Variants in PRPF18 observed in about 807,000 individuals in gnomAD.
The protein encoded by PRPF18 is pre-mRNA processing factor 18.
Under a neutral mutation model 46.5 loss-of-function variants are expected in PRPF18, and 38 were observed. The ratio of observed to expected loss-of-function variants is 0.82; its 90% CI spans 0.63 to 1.07. The LOEUF is 1.07. Ranked by LOEUF, PRPF18 falls within the 50% of genes least tolerant of loss-of-function variation. The pLI, the probability that PRPF18 is intolerant of heterozygous loss-of-function variation, is 0.00. For missense variants in PRPF18, 263 were observed against 410.0 expected (o/e 0.64, Z 3.10); for synonymous variants, 152 against 146.7 (o/e 1.04, Z -0.26).
chr10:13,648,919 A>AG, the PRPF18 span: 5 of 152,054 alleles, frequency 3.3e-5, no homozygotes, highest in Non-Finnish European at 7.4e-5. Flanking sequence ...AGTTGCTCTG[A>AG]GGGGAAAAAA....
intron 9 of PRPF18, 60 bp downstream of exon 9, chr10:13,616,613 C>T (rs758536227): frequency 2.6e-5 from 41 of 1,580,512 alleles, no homozygotes; most frequent in Non-Finnish European, 3.3e-5. Flanking sequence ...ATTCCCAAAA[C>T]TCTAAGTCTG....
intron 9 of PRPF18, among the ~76,000 whole-genome samples, chr10:13,622,862 G>T (rs1258830597): frequency 6.6e-6 from 1 of 152,148 alleles, no homozygotes; most frequent in Non-Finnish European, 1.5e-5. Flanking sequence ...TCTAGAATGG[G>T]TTGTTTCGAT....
intron 1 of PRPF18, among the ~76,000 whole-genome samples, chr10:13,595,528 T>C (rs1448362212): frequency 6.6e-6 from 1 of 152,232 alleles, no homozygotes; most frequent in Non-Finnish European, 1.5e-5. Context: ...TGAAGAACTG[T>C]AGCTTGGAAG....
the PRPF18 span, among the ~76,000 whole-genome samples, chr10:13,636,529 T>C: frequency 1.3e-5 from 2 of 152,206 alleles, no homozygotes; most frequent in Non-Finnish European, 2.9e-5. Flanking sequence ...GGCTTGGCCC[T>C]TTGAAAATTA....
intron 4 of PRPF18, 84 bp from the exon 5 acceptor site, chr10:13,609,955 C>T: frequency 1.5e-6 from 2 of 1,374,286 alleles, no homozygotes; most frequent in Non-Finnish European, 2.0e-6. Flanking sequence ...AAAATATTTG[C>T]AGTTATTAAT....
chr10:13,630,182 G>A (rs2080575792), intron 9 of PRPF18, 78 bp from the exon 10 acceptor site: 3 of 1,194,372 alleles, frequency 2.5e-6, no homozygotes, highest in African/African-American at 3.0e-5. Context: ...TTGACAAACT[G>A]ATAACGAGTT....
At chr10:13,647,011 C>T in the PRPF18 span, 51,257 of 975,532 alleles carry the variant, frequency 0.053, 1,500 homozygotes, top group Non-Finnish European at 0.058. Flanking sequence ...GGGAGGAATC[C>T]AGGAAACAGC....
chr10:13,597,838 G>A (rs1170365354), intron 2 of PRPF18, among the ~76,000 whole-genome samples: 4 of 150,928 alleles, frequency 2.7e-5, no homozygotes, highest in Non-Finnish European at 4.4e-5. Context: ...CTGAGACTGC[G>A]TTATTTTCAG....
the PRPF18 span, chr10:13,639,760 C>G: frequency 1.3e-5 from 2 of 152,170 alleles, no homozygotes; most frequent in East Asian, 3.9e-4. Context: ...CATCTTCATA[C>G]TCTGCTTTGT....
At chr10:13,619,441 C>T (rs1183766424) in intron 9 of PRPF18, among the ~76,000 whole-genome samples, 2 of 152,220 alleles carry the variant, frequency 1.3e-5, no homozygotes, top group East Asian at 1.9e-4. Flanking sequence ...GAGGAAGACA[C>T]CCACCTCTTG....
intron 1 of PRPF18, chr10:13,591,531 G>C (rs1262260194): frequency 1.1e-5 from 8 of 722,622 alleles, no homozygotes; most frequent in Non-Finnish European, 1.8e-5. Context: ...TGGAGCTTAG[G>C]AATAGCTTTG....
the PRPF18 span, among the ~76,000 whole-genome samples, chr10:13,653,603 T>TC: frequency 6.6e-6 from 1 of 152,160 alleles, no homozygotes; most frequent in Admixed American, 6.5e-5. Context: ...TTCCCAGACA[T>TC]CCCCCTGATG....
At chr10:13,589,673 A>G (rs904327394) in intron 1 of PRPF18, among the ~76,000 whole-genome samples, 2 of 152,234 alleles carry the variant, frequency 1.3e-5, no homozygotes, top group Admixed American at 6.5e-5. Context: ...CAGAGGGTCT[A>G]CAGGACCCAT....
intron 1 of PRPF18, among the ~76,000 whole-genome samples, chr10:13,590,823 G>A (rs959951081): frequency 9.9e-5 from 15 of 152,262 alleles, no homozygotes; most frequent in Admixed American, 9.2e-4. Flanking sequence ...ACCCTGGTCT[G>A]TTCCTACTTC....
chr10:13,634,218 A>G (rs1375329131), downstream of PRPF18, among the ~76,000 whole-genome samples: 1 of 152,216 alleles, frequency 6.6e-6, no homozygotes, highest in African/African-American at 2.4e-5. Context: ...TAAACTTTAT[A>G]CAACTTGCTT....
the PRPF18 span, chr10:13,648,213 AC>A: frequency 3.3e-5 from 5 of 152,238 alleles, no homozygotes; most frequent in Admixed American, 6.5e-5. Flanking sequence ...CCAGAAATAA[AC>A]CAGCTTCAGA....
chr10:13,621,994 A>G lies in PRPF18; in HGVS notation c.948+5441A>G, dbSNP rs1486090288. On this transcript the variant is annotated intron_variant, in intron 9 of 9. Coordinates refer to ENST00000378572, the MANE Select transcript of PRPF18 (RefSeq NM_003675.4). ...CACGTGTTACCAAAACTGGTATAAC[A>G]GAAACATTCATGACTGCAATAAGTG... Among the ~76,000 whole-genome samples, 4 of 147,874 alleles carry G rather than the reference A, an allele frequency of 2.7e-5. No individual in the cohort carries two copies. The East Asian group carries it at 6.8e-4, about 25-fold the overall frequency.
At chr10:13,620,172 A>G (rs1193445836) in intron 9 of PRPF18, among the ~76,000 whole-genome samples, 1 of 152,202 alleles carries the variant, frequency 6.6e-6, no homozygotes, top group East Asian at 1.9e-4. Context: ...AAAGGATCAG[A>G]TAGTAAATAT....
the PRPF18 span, chr10:13,643,300 A>G: frequency 6.6e-6 from 1 of 152,182 alleles, no homozygotes; most frequent in East Asian, 1.9e-4. Context: ...AGCTTCCTTC[A>G]TTGCTCCTGC....
Sources: gnomAD v4.1 joint callset for allele counts (sites outside exome capture counted in the v4.1 genomes callset) on GRCh38, gnomAD v4.1.1 for gene constraint, MANE v1.5 for transcripts, NCBI Gene and HGNC (gene_info 2026-07-23, HGNC 2026-07-21) for gene names.